FAM83B: variants seen among roughly 807,000 people sequenced by gnomAD.
The protein encoded by FAM83B is scaffolding CK1 anchoring protein B.
FAM83B carries 26 observed loss-of-function variants against 38.8 expected under a neutral mutation model. The observed-to-expected ratio is 0.67, with a 90% CI of 0.49 to 0.93. The LOEUF is 0.93. FAM83B is among the 40% of genes least tolerant of loss of function. The pLI, the probability that FAM83B is intolerant of heterozygous loss-of-function variation, is 0.00. For synonymous variants in FAM83B, 419 were observed against 423.1 expected, an observed-to-expected ratio of 0.99 and a Z score of 0.12; for missense variants, 1,237 against 1,197.3, an observed-to-expected ratio of 1.03 and a Z score of -0.49.
intron 2 of FAM83B, among the ~76,000 whole-genome samples, chr6:54,902,650 A>T (rs1006514920): frequency 1.6e-4 from 24 of 148,660 alleles, no homozygotes; most frequent in African/African-American, 5.2e-4. Flanking sequence ...GATTAAGAGG[A>T]CCATAGAATT....
At chr6:54,918,780 A>C (rs1490354579) in intron 2 of FAM83B, among the ~76,000 whole-genome samples, 2 of 152,100 alleles carry the variant, frequency 1.3e-5, no homozygotes, top group African/African-American at 2.4e-5. Flanking sequence ...GATTTTGCAG[A>C]AAGTTGGGGG....
chr6:54,925,118 T>C (rs1009528946), intron 2 of FAM83B, among the ~76,000 whole-genome samples: 1 of 152,174 alleles, frequency 6.6e-6, no homozygotes, highest in African/African-American at 2.4e-5. Context: ...TTCCTCTGCC[T>C]GCAACAGTCT....
At chr6:54,854,817 A>C (rs1273525986) in intron 1 of FAM83B, among the ~76,000 whole-genome samples, 1 of 152,244 alleles carries the variant, frequency 6.6e-6, no homozygotes, top group Non-Finnish European at 1.5e-5. Flanking sequence ...ATTTTCTAGT[A>C]GCTAAAATAT....
In FAM83B at chr6:54,847,279, G is replaced by A. The variant is rs1278977781; in HGVS notation, c.-61+453G>A. Among the ~76,000 whole-genome samples, 3 of 152,066 alleles carry A rather than the reference G, an allele frequency of 2.0e-5. No homozygotes were observed. The East Asian group carries it at 5.8e-4, about 30-fold the overall frequency. ...GGAAGCAGAGGGCATGGGGGTGGGG[G>A]GTTCCGGGAAAAGGTGGGAGAGCTT... On this transcript the variant is annotated intron_variant, in intron 1 of 4. Coordinates refer to ENST00000306858, the MANE Select transcript of FAM83B (RefSeq NM_001010872.3).
chr6:54,935,521 T>G lies in FAM83B; in HGVS notation c.735-4185T>G, dbSNP rs192924348. ...ATCTGGGGGATAGCAGAAAGGCCAG[T>G]GTGGTAGGACCACATTAAGCAAGGG... On this transcript the variant is annotated intron_variant, in intron 4 of 4. Transcript: ENST00000306858. 1.5e-3 allele frequency among the ~76,000 whole-genome samples: 225 copies of G among 152,190 alleles called. 4 individuals are homozygous for G. The highest frequency in any genetic ancestry group is 5.2e-3 in the African/African-American group (215 of 41,552).
At chr6:54,914,330 G>A (rs1370111566) in intron 2 of FAM83B, among the ~76,000 whole-genome samples, 1 of 152,130 alleles carries the variant, frequency 6.6e-6, no homozygotes, top group African/African-American at 2.4e-5. Context: ...CAAGTTTCAT[G>A]ACATAATAAA....
intron 2 of FAM83B, among the ~76,000 whole-genome samples, chr6:54,871,438 G>C (rs937684747): frequency 6.6e-6 from 1 of 151,574 alleles, no homozygotes; most frequent in African/African-American, 2.4e-5. Context: ...TATGGGCAAG[G>C]CTGGGCGTGG....
chr6:54,922,215 C>G (rs1773188116), intron 2 of FAM83B, among the ~76,000 whole-genome samples: 1 of 151,956 alleles, frequency 6.6e-6, no homozygotes, highest in South Asian at 2.1e-4. Context: ...TTTTTGTTCA[C>G]TTCCAAAGTC....
At chr6:54,926,073 G>A (rs545612430) in intron 2 of FAM83B, among the ~76,000 whole-genome samples, 67 of 152,122 alleles carry the variant, frequency 4.4e-4, no homozygotes, top group African/African-American at 1.5e-3. Context: ...TACCTTACAG[G>A]CAGTCTTGAA....
chr6:54,917,478 A>G (rs1773072453), intron 2 of FAM83B, among the ~76,000 whole-genome samples: 1 of 152,114 alleles, frequency 6.6e-6, no homozygotes, highest in African/African-American at 2.4e-5. Context: ...TAATTTAATC[A>G]TTTCTCACTT....
In FAM83B at chr6:54,942,432, GA is replaced by G. The variant is rs1247221403; in HGVS notation, c.*426del. Among the ~76,000 whole-genome samples, 1 of 152,014 alleles carries G rather than the reference GA, an allele frequency of 6.6e-6. No individual in the cohort carries two copies. The highest frequency in any genetic ancestry group is 1.9e-4 in the East Asian group (1 of 5,184). ...TATCTTCAAAAATATAAGCAAATGGGACAAAGCCCTTTTTTAAGATTAACTT... is the reference window on the plus strand; with the variant it reads ...TATCTTCAAAAATATAAGCAAATGGGCAAAGCCCTTTTTTAAGATTAACTT... On this transcript the variant is annotated 3_prime_UTR_variant, in exon 5 of 5. Coordinates refer to ENST00000306858, the MANE Select transcript of FAM83B (RefSeq NM_001010872.3).
chr6:54,904,144 A>G (rs1772724847), intron 2 of FAM83B, among the ~76,000 whole-genome samples: 1 of 152,138 alleles, frequency 6.6e-6, no homozygotes, highest in Non-Finnish European at 1.5e-5. Flanking sequence ...TTAAGTTATG[A>G]GTCAATGTTT....
At chr6:54,892,993 G>T (rs2816811) in intron 2 of FAM83B, among the ~76,000 whole-genome samples, 4 of 151,758 alleles carry the variant, frequency 2.6e-5, no homozygotes, top group Admixed American at 6.6e-5. Context: ...GACTCAGCAG[G>T]TTATATAGAG....
At chr6:54,930,311 TA>T (rs1773392411) in intron 4 of FAM83B, among the ~76,000 whole-genome samples, 2 of 152,256 alleles carry the variant, frequency 1.3e-5, no homozygotes, top group South Asian at 4.1e-4. Flanking sequence ...GTTGACCACA[TA>T]GATTTTGCAG....
chr6:54,874,316 T>C (rs1324850635), intron 2 of FAM83B, among the ~76,000 whole-genome samples: 3 of 152,194 alleles, frequency 2.0e-5, no homozygotes, highest in Non-Finnish European at 4.4e-5. Context: ...TTTGAGAACT[T>C]TCCTTTGGGA....
At chr6:54,926,622 A>C in intron 3 of FAM83B, 87 bp downstream of exon 3, 1 of 1,082,972 alleles carries the variant, frequency 9.2e-7, no homozygotes, top group Non-Finnish European at 1.3e-6. Context: ...GTAGATGAAT[A>C]TAAAACTGAA....
intron 2 of FAM83B, among the ~76,000 whole-genome samples, chr6:54,901,056 A>G (rs566226276): frequency 1.3e-5 from 2 of 152,318 alleles, no homozygotes; most frequent in East Asian, 3.9e-4. Flanking sequence ...AACAAAAGCT[A>G]TTATCCATGT....
chr6:54,860,041 CATT>C (rs1279968942), intron 1 of FAM83B, among the ~76,000 whole-genome samples: 1 of 67,438 alleles, frequency 1.5e-5, no homozygotes, highest in Admixed American at 2.1e-4. Context: ...AAACCACCCT[CATT>C]GTGTGTGTGT....
upstream of FAM83B, among the ~76,000 whole-genome samples, chr6:54,846,424 G>A (rs1452610328): frequency 6.6e-6 from 1 of 152,164 alleles, no homozygotes; most frequent in African/African-American, 2.4e-5. Context: ...GCTGTCCTCC[G>A]GGATCGCTCC....
Sources: gnomAD v4.1 joint callset for allele counts (sites outside exome capture counted in the v4.1 genomes callset) on GRCh38, gnomAD v4.1.1 for gene constraint, MANE v1.5 for transcripts, NCBI Gene and HGNC (gene_info 2026-07-23, HGNC 2026-07-21) for gene names.